RIT2: variants seen among roughly 807,000 people sequenced by gnomAD.
RIT2 encodes GTP-binding protein Rit2.
RIT2 carries 24 observed loss-of-function variants against 23.7 expected under a neutral mutation model. The observed-to-expected ratio is 1.01, with a 90% confidence interval of 0.73 to 1.43. The LOEUF (loss-of-function observed/expected upper bound fraction) is 1.43, where lower values mean the gene tolerates loss of function less well. Ranked by LOEUF, RIT2 falls within the 40% of genes most tolerant of loss-of-function variation. The probability of loss-of-function intolerance (pLI) is 0.00; values close to 1 mark genes in which losing one functional copy is unlikely to be tolerated. For synonymous variants in RIT2, 107 were observed against 91.1 expected (o/e 1.17, Z -0.99); for missense variants, 236 against 266.9 (o/e 0.88, Z 0.81).
chr18:42,944,595 G>C (rs1191553920), intron 3 of RIT2, among the ~76,000 whole-genome samples: 3 of 152,090 alleles, frequency 2.0e-5, no homozygotes, highest in South Asian at 4.1e-4. Context: ...ATGGGAGAGA[G>C]AGCCAGGACT....
At chr18:42,957,329 A>T (rs1909995539) in intron 3 of RIT2, among the ~76,000 whole-genome samples, 1 of 152,174 alleles carries the variant, frequency 6.6e-6, no homozygotes. Context: ...AGAATTCAGA[A>T]TTATAGATTT....
At chr18:42,964,155 C>T (rs1259128334) in intron 3 of RIT2, among the ~76,000 whole-genome samples, 1 of 152,060 alleles carries the variant, frequency 6.6e-6, no homozygotes, top group Non-Finnish European at 1.5e-5. Flanking sequence ...TGTGCCATTG[C>T]ACTCCAGCCT....
At chr18:42,900,798 T>C (rs1843090215) in intron 4 of RIT2, among the ~76,000 whole-genome samples, 1 of 152,020 alleles carries the variant, frequency 6.6e-6, no homozygotes, top group African/African-American at 2.4e-5. Flanking sequence ...GGGAAAAATA[T>C]GAATTATATC....
chr18:42,858,790 T>A (rs1907253028), intron 4 of RIT2, among the ~76,000 whole-genome samples: 1 of 152,238 alleles, frequency 6.6e-6, no homozygotes. Context: ...AATTTTCATA[T>A]AACTGGAATC....
chr18:42,786,377 T>A (rs1238186518), intron 4 of RIT2, among the ~76,000 whole-genome samples: 2 of 152,206 alleles, frequency 1.3e-5, no homozygotes, highest in African/African-American at 4.8e-5. Context: ...CACATTGTTA[T>A]TCATGAAGTA....
At chr18:43,067,839 C>T (rs1026708964) in intron 1 of RIT2, among the ~76,000 whole-genome samples, 1 of 152,086 alleles carries the variant, frequency 6.6e-6, no homozygotes, top group East Asian at 1.9e-4. Flanking sequence ...CGGAACCAAT[C>T]TTTCAGGTTA....
intron 2 of RIT2, among the ~76,000 whole-genome samples, chr18:42,991,839 C>T (rs1256490179): frequency 6.6e-6 from 1 of 152,078 alleles, no homozygotes; most frequent in Non-Finnish European, 1.5e-5. Flanking sequence ...AAAATGGCCC[C>T]ACCCCATCTC....
At chr18:42,798,590 C>T (rs1905439022) in intron 4 of RIT2, among the ~76,000 whole-genome samples, 1 of 152,214 alleles carries the variant, frequency 6.6e-6, no homozygotes, top group Non-Finnish European at 1.5e-5. Context: ...AATTACAGAT[C>T]TTCAATCAGA....
intron 4 of RIT2, among the ~76,000 whole-genome samples, chr18:42,867,117 C>T (rs1907492462): frequency 6.6e-6 from 1 of 152,172 alleles, no homozygotes; most frequent in South Asian, 2.1e-4. Flanking sequence ...TCTTTATAAT[C>T]TCCCACTGAT....
intron 4 of RIT2, among the ~76,000 whole-genome samples, chr18:42,825,135 C>T (rs1397732614): frequency 6.6e-6 from 1 of 151,660 alleles, no homozygotes; most frequent in Non-Finnish European, 1.5e-5. Context: ...ATGGTCACCT[C>T]AGGTTTGTAA....
chr18:42,890,569 A>AAG (rs964900736), intron 4 of RIT2, among the ~76,000 whole-genome samples: 3 of 150,574 alleles, frequency 2.0e-5, no homozygotes, highest in Non-Finnish European at 4.4e-5. Flanking sequence ...AGGAGGGAAG[A>AAG]AGAGAGAGAG....
intron 2 of RIT2, among the ~76,000 whole-genome samples, chr18:42,993,530 C>T (rs11082302): frequency 0.95 from 145,019 of 152,118 alleles, 69,497 homozygotes; most frequent in East Asian, 1. Context: ...TGGGTATTGA[C>T]GGCCAGGCTT....
intron 1 of RIT2, among the ~76,000 whole-genome samples, chr18:43,054,841 C>T (rs1473246211): frequency 1.3e-5 from 2 of 152,066 alleles, no homozygotes; most frequent in Admixed American, 6.6e-5. Flanking sequence ...ATGACGCATT[C>T]ATAAAAGTTT....
At chr18:43,019,413 T>C (rs1045054690) in intron 2 of RIT2, among the ~76,000 whole-genome samples, 9 of 151,990 alleles carry the variant, frequency 5.9e-5, no homozygotes, top group African/African-American at 2.2e-4. Context: ...ATACATCACA[T>C]TGACAGCATA....
intron 1 of RIT2, among the ~76,000 whole-genome samples, chr18:43,078,253 C>A (rs1238133449): frequency 1.3e-5 from 2 of 152,126 alleles, no homozygotes; most frequent in Non-Finnish European, 2.9e-5. Flanking sequence ...TCCACATCTC[C>A]ATTCTCTACA....
chr18:43,045,475 C>T (rs376126342), intron 1 of RIT2, among the ~76,000 whole-genome samples: 8 of 152,254 alleles, frequency 5.3e-5, no homozygotes, highest in African/African-American at 1.4e-4. Context: ...TGGGCACCAA[C>T]GTATACCCGG....
At chr18:43,006,041 C>T (rs1489693270) in intron 2 of RIT2, among the ~76,000 whole-genome samples, 1 of 150,978 alleles carries the variant, frequency 6.6e-6, no homozygotes, top group East Asian at 2.0e-4. Flanking sequence ...TGAGAATAAA[C>T]TTTTGGAAAA....
intron 4 of RIT2, among the ~76,000 whole-genome samples, chr18:42,814,289 T>C (rs1363983275): frequency 6.6e-6 from 1 of 152,146 alleles, no homozygotes; most frequent in African/African-American, 2.4e-5. Context: ...AAGCCATACT[T>C]GCTATTGCAG....
intron 4 of RIT2, among the ~76,000 whole-genome samples, chr18:42,919,199 T>C (rs1386833235): frequency 6.6e-6 from 1 of 152,144 alleles, no homozygotes; most frequent in Non-Finnish European, 1.5e-5. Context: ...CAGTAATTCC[T>C]AATTCTCATG....
Sources: allele counts gnomAD v4.1 joint callset (sites outside exome capture counted in the v4.1 genomes callset), GRCh38; gene constraint gnomAD v4.1.1; transcripts MANE v1.5; gene names NCBI Gene and HGNC (gene_info 2026-07-23, HGNC 2026-07-21).